MOCOS: variants seen among roughly 807,000 people sequenced by gnomAD.
MOCOS encodes the protein human molybdenum cofactor sulfurase.
A neutral mutation model predicts 83.6 loss-of-function variants in MOCOS; 86 were observed. That is an observed-to-expected ratio of 1.03 (90% confidence interval 0.86 to 1.23). The LOEUF is 1.23. Among genes scored for constraint, MOCOS ranks in the 50% most tolerant of loss-of-function variants. The pLI, the probability that MOCOS is intolerant of heterozygous loss-of-function variation, is 0.00. For missense variants in MOCOS, 1,120 were observed against 1,126.9 expected (o/e 0.99, Z 0.09); for synonymous variants, 445 against 434.7 (o/e 1.02, Z -0.29).
intron 9 of MOCOS, among the ~76,000 whole-genome samples, chr18:36,221,666 T>C (rs1302983824): frequency 2.0e-5 from 3 of 152,064 alleles, no homozygotes; most frequent in Non-Finnish European, 4.4e-5. Flanking sequence ...TGGTTTATTT[T>C]TCCTTGAACC....
chr18:36,262,979 C>T lies in MOCOS; in HGVS notation c.2409+2804C>T, dbSNP rs372878681. On this transcript the variant is annotated intron_variant, in intron 13 of 14. Coordinates refer to ENST00000261326, the MANE Select transcript of MOCOS (RefSeq NM_017947.4). ...AAAAAATTAGCTGGGCATGGTGGTA[C>T]ATCCCTGTGGTCTCAGCTACTCAGG... Among the ~76,000 whole-genome samples the T allele has an allele frequency of 2.8e-4, 43 of 152,274 alleles. 1 individual carries two copies. The highest frequency in any genetic ancestry group is 9.6e-4 in the African/African-American group (40 of 41,550).
rs2091658174 is a variant in MOCOS, at chr18:36,260,099, ATAT to A, written c.2340_2342del (p.Ile781del). On this transcript the variant is annotated inframe_deletion, in exon 13 of 15. Coordinates refer to ENST00000261326, the MANE Select transcript of MOCOS (RefSeq NM_017947.4). ...GATCTCAGCTTGCGTTTTCGTGCCAATATTATTATCAATGGAAAAAGGGCTTTT... is the reference window on the plus strand; with the variant it reads ...GATCTCAGCTTGCGTTTTCGTGCCAATATTATCAATGGAAAAAGGGCTTTT... 1.2e-6 allele frequency: 2 copies of A among 1,614,216 alleles called. No individual in the cohort carries two copies. Among genetic ancestry groups the A allele is most frequent in the Non-Finnish European group, 1.7e-6 (2 of 1,180,038 alleles).
chr18:36,213,271 T>C (rs1205637978), intron 6 of MOCOS, 95 bp from the exon 7 acceptor site: 1 of 921,212 alleles, frequency 1.1e-6, no homozygotes, highest in African/African-American at 1.6e-5. Context: ...CATCATTTTA[T>C]TATTAGGAAA....
chr18:36,212,646 G>A (rs1568053726), intron 6 of MOCOS, among the ~76,000 whole-genome samples: 1 of 152,174 alleles, frequency 6.6e-6, no homozygotes, highest in Non-Finnish European at 1.5e-5. Flanking sequence ...AGACTGCCGT[G>A]GTCTTGATAA....
chr18:36,258,190 C>T (rs1947377548), intron 12 of MOCOS, among the ~76,000 whole-genome samples: 1 of 152,124 alleles, frequency 6.6e-6, no homozygotes, highest in Non-Finnish European at 1.5e-5. Context: ...ACCCCAGTTC[C>T]TACCAGGAGG....
At chr18:36,189,383 C>T (rs571288296) in intron 1 of MOCOS, among the ~76,000 whole-genome samples, 4 of 152,284 alleles carry the variant, frequency 2.6e-5, no homozygotes, top group East Asian at 1.9e-4. Flanking sequence ...ACTAATCTGA[C>T]GCCCCTCCCA....
At chr18:36,239,133 C>T (rs2091571141) in intron 9 of MOCOS, among the ~76,000 whole-genome samples, 1 of 150,946 alleles carries the variant, frequency 6.6e-6, no homozygotes, top group Non-Finnish European at 1.5e-5. Context: ...AGTCCATTTA[C>T]ATTTAAAGTT....
chr18:36,197,196 G>C (rs2091391941), intron 2 of MOCOS, among the ~76,000 whole-genome samples: 2 of 152,178 alleles, frequency 1.3e-5, no homozygotes, highest in Non-Finnish European at 2.9e-5. Context: ...CTGCAGGAAA[G>C]GCATCAGCAG....
rs1205619664 is a variant in MOCOS at position 36,201,674 on chromosome 18, A to AAAAAAAAAAAAAAAAAG, written c.941+1355_941+1356insAAAAAAAAAAAGAAAAA. 3.6e-4 allele frequency among the ~76,000 whole-genome samples: 53 copies of AAAAAAAAAAAAAAAAAG among 148,006 alleles called. 1 individual carries two copies. Among genetic ancestry groups the AAAAAAAAAAAAAAAAAG allele is most frequent in the African/African-American group, 1.1e-3 (42 of 38,476 alleles). ...CAAGACTCCATCTCCAAAAAAAAAAAAAAAAGAAATGATAATATTGTCCTT... is the reference window on the plus strand; with the variant it reads ...CAAGACTCCATCTCCAAAAAAAAAAAAAAAAAAAAAAAAAAAGAAAAAGAAATGATAATATTGTCCTT... On this transcript the variant is annotated intron_variant, in intron 4 of 14. Coordinates refer to ENST00000261326, the MANE Select transcript of MOCOS (RefSeq NM_017947.4).
intron 5 of MOCOS, among the ~76,000 whole-genome samples, chr18:36,204,770 A>T (rs2144906025): frequency 6.6e-6 from 1 of 152,220 alleles, no homozygotes; most frequent in South Asian, 2.1e-4. Context: ...AGGCAGGTGG[A>T]TTACTTGAGC....
chr18:36,253,664 C>CAAGAAAA (rs2091630066), intron 11 of MOCOS, among the ~76,000 whole-genome samples: 1 of 124,108 alleles, frequency 8.1e-6, no homozygotes. Flanking sequence ...GACTCTGTCT[C>CAAGAAAA]AAAAAAAAAA....
Position 36,203,151 on chromosome 18 carries a change from C to T in MOCOS, c.980C>T (p.Ala327Val), listed in dbSNP as rs141550556. Residue 327 changes from alanine (A) to valine (V), a missense_variant, in exon 5 of 15, where the codon GCG becomes GTG. Coordinates refer to ENST00000261326, the MANE Select transcript of MOCOS (RefSeq NM_017947.4). ...ACCATCTCATTCCTTGATGTTATCGCGCTAAAACATGGATTTGACACCCTA... is the reference window on the plus strand; with the variant it reads ...ACCATCTCATTCCTTGATGTTATCGTGCTAAAACATGGATTTGACACCCTA... ...DGTISFLDVIALKHGFDTLER... is the reference protein window; with the variant it reads ...DGTISFLDVIVLKHGFDTLER... 5.0e-5 allele frequency: 81 copies of T among 1,614,140 alleles called. No homozygotes were observed. Among genetic ancestry groups the T allele is most frequent in the East Asian group, 8.9e-5 (4 of 44,878 alleles).
Position 36,203,161 on chromosome 18 carries a change from T to G in MOCOS, c.990T>G (p.His330Gln). Residue 330 changes from histidine to glutamine, a missense_variant, in exon 5 of 15, where the codon CAT (histidine) becomes CAG (glutamine). By Grantham distance (24) the His-to-Gln change is conservative. Transcript: ENST00000261326. ...TCCTTGATGTTATCGCGCTAAAACA[T>G]GGATTTGACACCCTAGAGCGCCTCA... ...ISFLDVIALK[H>Q]GFDTLERLTG... 6.2e-7 allele frequency: 1 copy of G among 1,614,188 alleles called. No individual in the cohort carries two copies. Among genetic ancestry groups the G allele is most frequent in the Non-Finnish European group, 8.5e-7 (1 of 1,180,026 alleles).
chr18:36,213,300 T>G lies in MOCOS; in HGVS notation c.1219-66T>G, dbSNP rs2298600. 1.1e-5 allele frequency: 14 copies of G among 1,240,680 alleles called. No individual in the cohort carries two copies. In the East Asian group the frequency reaches 3.3e-4, roughly 29 times the overall value. 76.9% of individuals were successfully genotyped at this position (1,240,680 alleles called of 1,614,324 possible). ...TAGGAAAGAGAGGTCCAAATCCTGA[T>G]CTGAATCTCTCAGAGTAAAACTGCA... On this transcript the variant is annotated intron_variant, in intron 6 of 14. Coordinates refer to ENST00000261326, the MANE Select transcript of MOCOS (RefSeq NM_017947.4).
chr18:36,242,002 CG>C (rs1343239572), intron 9 of MOCOS, among the ~76,000 whole-genome samples: 1 of 152,216 alleles, frequency 6.6e-6, no homozygotes, highest in African/African-American at 2.4e-5. Flanking sequence ...CCTAGGCCTC[CG>C]GGCCGTGATG....
Position 36,199,968 on chromosome 18 carries a change from G to T in MOCOS, c.585G>T (p.Pro195=). The T allele has an allele frequency of 3.7e-6, 6 of 1,614,222 alleles. No individual in the cohort carries two copies. The highest frequency in any genetic ancestry group is 5.1e-6 in the Non-Finnish European group (6 of 1,180,044). ...CCAGCAACCCAGACTGCCAGCTGCC[G>T]CATCTCTTCTGCTACCCAGCTCAGA... The part of the protein sequence containing the change: ...ASASNPDCQL[P]HLFCYPAQSN... The change falls in exon 4 of 15, where the codon CCG becomes CCT. Residue 195 remains proline, a synonymous_variant. Transcript: ENST00000261326.
intron 10 of MOCOS, 26 bp from the exon 11 acceptor site, chr18:36,251,133 C>A: frequency 6.2e-7 from 1 of 1,603,992 alleles, no homozygotes; most frequent in Non-Finnish European, 8.5e-7. Context: ...TGTAACAGTT[C>A]ACTCTTTCTC....
chr18:36,192,062 G>C (rs1406302588), intron 1 of MOCOS, among the ~76,000 whole-genome samples: 1 of 152,166 alleles, frequency 6.6e-6, no homozygotes, highest in African/African-American at 2.4e-5. Flanking sequence ...CAAGACAAAA[G>C]TGCCTGTTCT....
Position 36,221,728 on chromosome 18 carries a change from G to GTTT in MOCOS, c.1960+1524_1960+1526dup, listed in dbSNP as rs10701522. On this transcript the variant is annotated intron_variant, in intron 9 of 14. Transcript: ENST00000261326. ...ATAGAATAAGTCTTGATATCCCATT[G>GTTT]TTTTTTTTTTTTTTTGAGACAGAGT... 4.1e-4 allele frequency among the ~76,000 whole-genome samples: 54 copies of GTTT among 132,662 alleles called. 2 individuals carry two copies. The highest frequency in any genetic ancestry group is 8.9e-4 in the East Asian group (4 of 4,496). The allele number at this position is 132,662 out of a possible 152,430, so 87.0% of individuals were successfully genotyped here. A position where few individuals can be genotyped will look rare whatever the true frequency, so the allele number is the denominator to read the frequency against.
Sources: gnomAD v4.1 joint callset for allele counts (sites outside exome capture counted in the v4.1 genomes callset) on GRCh38, gnomAD v4.1.1 for gene constraint, MANE v1.5 for transcripts, NCBI Gene and HGNC (gene_info 2026-07-23, HGNC 2026-07-21) for gene names.